Variants in ANKRD40 observed in about 807,000 individuals in gnomAD.
The protein encoded by ANKRD40 is ankyrin repeat domain-containing protein 40.
ANKRD40 carries 24 observed loss-of-function variants against 35.5 expected under a neutral mutation model. The observed-to-expected ratio is 0.68, with a 90% CI of 0.49 to 0.95. The LOEUF (loss-of-function observed/expected upper bound fraction) is 0.95, where lower values mean the gene tolerates loss of function less well. ANKRD40 is among the 40% of genes least tolerant of loss of function. The pLI is 0.00. For synonymous variants in ANKRD40, 147 were observed against 173.5 expected (o/e 0.85, Z 1.20); for missense variants, 361 against 436.0 (o/e 0.83, Z 1.53).
intron 3 of ANKRD40, among the ~76,000 whole-genome samples, chr17:50,697,505 G>A (rs934743856): frequency 6.6e-6 from 1 of 152,190 alleles, no homozygotes; most frequent in Non-Finnish European, 1.5e-5. Context: ...TTGGAAAGAA[G>A]GCATGGGCAG....
intron 2 of ANKRD40, chr17:50,700,166 G>A (rs1307416537): frequency 2.2e-5 from 7 of 320,210 alleles, no homozygotes; most frequent in Admixed American, 8.9e-5. Flanking sequence ...AACAGTTGCC[G>A]GGAGCGGTGC....
In ANKRD40 at chr17:50,699,773, GGT is replaced by G; in HGVS notation, c.402_403del (p.Pro135HisfsTer54). ...CATCTGGGCTGAATCCTCTGCTGTG[GGT>G]GTATAGATAAAAGGGAAGGCTGGGT... On this transcript the variant is annotated frameshift_variant, in exon 3 of 5. Transcript: ENST00000285243. LOFTEE classifies it high-confidence loss of function. 1 of 1,605,618 alleles carries G rather than the reference GGT, an allele frequency of 6.2e-7. No homozygotes were observed.
At chr17:50,699,069 GA>G (rs1346911077) in intron 3 of ANKRD40, among the ~76,000 whole-genome samples, 8 of 151,122 alleles carry the variant, frequency 5.3e-5, no homozygotes, top group Admixed American at 4.6e-4. Context: ...TGAGGCAGAA[GA>G]ATCACTTGAA....
intron 1 of ANKRD40, among the ~76,000 whole-genome samples, chr17:50,705,347 G>T (rs2146660284): frequency 6.6e-6 from 1 of 151,286 alleles, no homozygotes; most frequent in Middle Eastern, 3.4e-3. Flanking sequence ...TGCCAAAATG[G>T]TAATTCACAG....
In ANKRD40 at chr17:50,697,041, G is replaced by A. The variant is rs769085636; in HGVS notation, c.859C>T (p.Leu287Phe). 1.2e-6 allele frequency: 2 copies of A among 1,614,172 alleles called. No homozygotes were observed. Among genetic ancestry groups the A allele is most frequent in the East Asian group, 2.2e-5 (1 of 44,892 alleles). ...FIEIELDRQE[L>F]TYQELLRVCC... ...ACTCTGAGCAACTCTTGGTAGGTGAGCTCCTGTCGGTCCAGTTCAATTTCA... is the reference window on the plus strand; with the variant it reads ...ACTCTGAGCAACTCTTGGTAGGTGAACTCCTGTCGGTCCAGTTCAATTTCA... Residue 287 changes from leucine (L) to phenylalanine (F), a missense_variant, in exon 4 of 5, where the codon CTC becomes TTC. By Grantham distance (22) the Leu-to-Phe change is conservative (BLOSUM62 0). Transcript: ENST00000285243.
chr17:50,693,271 G>A lies in ANKRD40; in HGVS notation c.*2726C>T, dbSNP rs1300719671. The A allele has an allele frequency of 6.6e-6, 1 of 152,136 alleles. No individual in the cohort carries two copies. The highest frequency in any genetic ancestry group is 1.5e-5 in the Non-Finnish European group (1 of 68,018). 9.4% of individuals were successfully genotyped at this position (152,136 alleles called of 1,614,324 possible). On this transcript the variant is annotated 3_prime_UTR_variant, in exon 5 of 5. Coordinates refer to ENST00000285243, the MANE Select transcript of ANKRD40 (RefSeq NM_052855.4). Reference sequence around the variant, plus strand: ...GCAATGCACAAAGAAAAAATCTTCAGTGAATGTTTACACACAGTGTGAACA... The same window carrying A: ...GCAATGCACAAAGAAAAAATCTTCAATGAATGTTTACACACAGTGTGAACA...
rs1390192250 is a variant in ANKRD40, at chr17:50,707,664, G to A, written c.-10C>T. On this transcript the variant is annotated 5_prime_UTR_variant, in exon 1 of 5. Transcript: ENST00000285243. This position sits in a 1 kb window ranked among gnomAD's most constrained non-coding sequence, Gnocchi z 4.8. ...CTAGGAGGGCGTTCATCTTCCCACA[G>A]CCCCAGGCCCCCGCCCAGGCCCGCC... 4.6e-6 allele frequency: 7 copies of A among 1,516,044 alleles called. No homozygotes were observed. The African/African-American group carries it at 5.7e-5, about 12-fold the overall frequency. 93.9% of individuals were successfully genotyped at this position (1,516,044 alleles called of 1,614,324 possible).
At chr17:50,698,092 T>C (rs1217067517) in intron 3 of ANKRD40, among the ~76,000 whole-genome samples, 1 of 152,006 alleles carries the variant, frequency 6.6e-6, no homozygotes, top group Admixed American at 6.6e-5. Flanking sequence ...TCCTGGTGTC[T>C]GAATACCATT....
chr17:50,707,514 C>A lies in ANKRD40; in HGVS notation c.134+7G>T. ...CTGACCCTAGGCCTCCCCCGCTCCCCACTTACCAGCCGTTGACCTCATTTT... is the reference window on the plus strand; with the variant it reads ...CTGACCCTAGGCCTCCCCCGCTCCCAACTTACCAGCCGTTGACCTCATTTT... On this transcript the variant is annotated splice_region_variant and intron_variant, in intron 1 of 4. Coordinates refer to ENST00000285243, the MANE Select transcript of ANKRD40 (RefSeq NM_052855.4). The surrounding 1 kb of genome is among the most constrained non-coding windows in gnomAD (Gnocchi z 4.8). 1 of 1,604,946 alleles carries A rather than the reference C, an allele frequency of 6.2e-7. No individual in the cohort carries two copies. Among genetic ancestry groups the A allele is most frequent in the Non-Finnish European group, 8.5e-7 (1 of 1,175,504 alleles).
In ANKRD40 at chr17:50,695,867, T is replaced by C; in HGVS notation, c.*130A>G. ...GGGGCTTCCTACCTTGGCAGAATGA[T>C]GTTAGTATATACTATGCAGTGGCAC... On this transcript the variant is annotated 3_prime_UTR_variant, in exon 5 of 5. Coordinates refer to ENST00000285243, the MANE Select transcript of ANKRD40 (RefSeq NM_052855.4). 2 of 1,096,618 alleles carry C rather than the reference T, an allele frequency of 1.8e-6. No individual in the cohort carries two copies. The highest frequency in any genetic ancestry group is 1.8e-5 in the South Asian group (1 of 54,870). 67.9% of individuals were successfully genotyped at this position (1,096,618 alleles called of 1,614,324 possible).
chr17:50,703,138 G>A (rs991209560), intron 1 of ANKRD40, among the ~76,000 whole-genome samples: 2 of 121,130 alleles, frequency 1.7e-5, no homozygotes, highest in African/African-American at 6.0e-5. Context: ...TCACCATTCT[G>A]CTTTGCAAAT....
At position 50,695,896 on chromosome 17, in the gene ANKRD40, A is replaced by C. The variant is rs1968195308; in HGVS notation, c.*101T>G. 6.9e-7 allele frequency: 1 copy of C among 1,442,434 alleles called. No individual in the cohort carries two copies. 89.4% of individuals were successfully genotyped at this position (1,442,434 alleles called of 1,614,324 possible). Reference sequence around the variant, plus strand: ...AGTATATACTATGCAGTGGCACCAGAGGCCCTCCCGGGCATCTGAGGCATT... The same window carrying C: ...AGTATATACTATGCAGTGGCACCAGCGGCCCTCCCGGGCATCTGAGGCATT... On this transcript the variant is annotated 3_prime_UTR_variant, in exon 5 of 5. Coordinates refer to ENST00000285243, the MANE Select transcript of ANKRD40 (RefSeq NM_052855.4).
rs559526755 is a variant in ANKRD40, at chr17:50,695,721, C to A, written c.*276G>T. ...TCTTACATTCTGGACATAAAACACA[C>A]TGGATATAGAACCTTCAGCTTCTGC... On this transcript the variant is annotated 3_prime_UTR_variant, in exon 5 of 5. Transcript: ENST00000285243. The A allele has an allele frequency of 1.8e-4, 54 of 308,282 alleles. No homozygotes were observed. The highest frequency in any genetic ancestry group is 1.1e-3 in the African/African-American group (52 of 47,076). 19.1% of individuals were successfully genotyped at this position (308,282 alleles called of 1,614,324 possible).
At chr17:50,701,930 T>A (rs921878491) in intron 1 of ANKRD40, among the ~76,000 whole-genome samples, 4 of 152,222 alleles carry the variant, frequency 2.6e-5, no homozygotes, top group African/African-American at 9.6e-5. Context: ...CAGAGTGACA[T>A]TCTACATTAT....
chr17:50,696,625 C>T, intron 4 of ANKRD40: 1 of 253,042 alleles, frequency 4.0e-6, no homozygotes, highest in Non-Finnish European at 7.5e-6. Context: ...CTGGTATCAA[C>T]TTCCAAAAAT....
chr17:50,703,620 T>A (rs1225163335), intron 1 of ANKRD40, among the ~76,000 whole-genome samples: 1 of 151,982 alleles, frequency 6.6e-6, no homozygotes, highest in Admixed American at 6.6e-5. Flanking sequence ...AACGCAAAGA[T>A]CTTGAATCAG....
intron 2 of ANKRD40, 81 bp downstream of exon 2, chr17:50,700,487 A>C: frequency 7.4e-7 from 1 of 1,345,706 alleles, no homozygotes; most frequent in Non-Finnish European, 1.0e-6. Context: ...TTGTTTGACC[A>C]GCATTAAGAA....
chr17:50,699,604 C>G lies in ANKRD40; in HGVS notation c.573G>C (p.Ser191=). Residue 191 remains serine, a synonymous_variant, in exon 3 of 5, where the codon TCG becomes TCC. Transcript: ENST00000285243. ...SLALVQNGDV[S]APSAILRTPE... is the part of the protein sequence containing the mutation. ...GTGTTCTGAGTATGGCAGAGGGGGCCGACACATCACCATTCTGAACTAGTG... is the reference window on the plus strand; with the variant it reads ...GTGTTCTGAGTATGGCAGAGGGGGCGGACACATCACCATTCTGAACTAGTG... The G allele has an allele frequency of 6.2e-7, 1 of 1,614,090 alleles. No individual in the cohort carries two copies. The highest frequency in any genetic ancestry group is 1.3e-5 in the African/African-American group (1 of 74,978).
chr17:50,695,859 C>T lies in ANKRD40; in HGVS notation c.*138G>A. 9.7e-7 allele frequency: 1 copy of T among 1,025,758 alleles called. No homozygotes were observed. Among genetic ancestry groups the T allele is most frequent in the Non-Finnish European group, 1.4e-6 (1 of 725,736 alleles). 63.5% of individuals were successfully genotyped at this position (1,025,758 alleles called of 1,614,324 possible). A position where few individuals can be genotyped will look rare whatever the true frequency, so the allele number is the denominator to read the frequency against. ...GGGGGTCAGGGGCTTCCTACCTTGG[C>T]AGAATGATGTTAGTATATACTATGC... On this transcript the variant is annotated 3_prime_UTR_variant, in exon 5 of 5. Transcript: ENST00000285243.
Sources: allele counts gnomAD v4.1 joint callset (sites outside exome capture counted in the v4.1 genomes callset), GRCh38; gene constraint gnomAD v4.1.1; non-coding constraint Gnocchi (gnomAD v3.1); transcripts MANE v1.5; gene names NCBI Gene and HGNC (gene_info 2026-07-23, HGNC 2026-07-21).